The following TRPS1 variants were observed in gnomAD, a reference collection of about 807,000 sequenced individuals.
The protein encoded by TRPS1 is transcriptional repressor GATA binding 1.
TRPS1 carries 6 observed loss-of-function variants against 101.2 expected under a neutral mutation model. The observed-to-expected ratio is 0.06, with a 90% confidence interval of 0.03 to 0.12. The LOEUF is 0.12. Ranked by LOEUF, TRPS1 falls within the 10% of genes least tolerant of loss-of-function variation. The pLI is 1.00. For missense variants in TRPS1, 1,363 were observed against 1,567.0 expected, an observed-to-expected ratio of 0.87 and a Z score of 2.20; for synonymous variants, 578 against 589.8, an observed-to-expected ratio of 0.98 and a Z score of 0.29.
intron 4 of TRPS1, among the ~76,000 whole-genome samples, chr8:115,598,839 A>G (rs1435763720): frequency 1.3e-5 from 2 of 152,150 alleles, no homozygotes; most frequent in Non-Finnish European, 1.5e-5. Flanking sequence ...GCCAACCTAA[A>G]TGTCTTTTCT....
intron 5 of TRPS1, among the ~76,000 whole-genome samples, chr8:115,461,025 C>T (rs1814154482): frequency 6.6e-6 from 1 of 152,100 alleles, no homozygotes; most frequent in African/African-American, 2.4e-5. Context: ...GAGCTTCACG[C>T]AAGGTTTCAC....
intron 1 of TRPS1, chr8:115,667,763 T>C: frequency 7.1e-7 from 1 of 1,412,570 alleles, no homozygotes; most frequent in Non-Finnish European, 9.5e-7. Flanking sequence ...AAGCCTGCAT[T>C]TGCAAACTCT....
chr8:115,524,758 G>A (rs1815953674), intron 5 of TRPS1, among the ~76,000 whole-genome samples: 1 of 151,818 alleles, frequency 6.6e-6, no homozygotes, highest in African/African-American at 2.4e-5. Context: ...TTAAAATGGA[G>A]CTTCTTTGAA....
intron 1 of TRPS1, among the ~76,000 whole-genome samples, chr8:115,651,617 G>A (rs1165886430): frequency 2.6e-5 from 4 of 152,138 alleles, no homozygotes; most frequent in Non-Finnish European, 4.4e-5. Flanking sequence ...CATGATGCCC[G>A]GTAGCTTCTG....
chr8:115,473,525 A>C (rs1171960498), intron 5 of TRPS1, among the ~76,000 whole-genome samples: 1 of 152,202 alleles, frequency 6.6e-6, no homozygotes, highest in Admixed American at 6.5e-5. Flanking sequence ...ACTACACATC[A>C]GTTTCCCTGT....
At chr8:115,483,502 C>T (rs569727554) in intron 5 of TRPS1, among the ~76,000 whole-genome samples, 2 of 149,564 alleles carry the variant, frequency 1.3e-5, no homozygotes, top group South Asian at 4.3e-4. Context: ...TACTGCACTC[C>T]AGCCTGGGTG....
chr8:115,633,729 A>C (rs117722449), intron 1 of TRPS1, among the ~76,000 whole-genome samples: 33 of 152,232 alleles, frequency 2.2e-4, no homozygotes, highest in Admixed American at 3.9e-4. Flanking sequence ...TAAAATTCTG[A>C]ATATTTTTAT....
chr8:115,535,376 A>T (rs960157170), intron 5 of TRPS1, among the ~76,000 whole-genome samples: 7 of 148,534 alleles, frequency 4.7e-5, no homozygotes, highest in Non-Finnish European at 1.5e-5. Flanking sequence ...TATATAGCAT[A>T]TATATAGCAC....
intron 5 of TRPS1, among the ~76,000 whole-genome samples, chr8:115,454,018 A>G (rs986746409): frequency 6.6e-6 from 1 of 152,216 alleles, no homozygotes; most frequent in Non-Finnish European, 1.5e-5. Flanking sequence ...GCTTTCAAAA[A>G]GTAGATAAAT....
chr8:115,451,999 C>A (rs184339168), intron 5 of TRPS1, among the ~76,000 whole-genome samples: 45 of 152,240 alleles, frequency 3.0e-4, no homozygotes, highest in Admixed American at 6.5e-4. Context: ...GCGCTAAAGG[C>A]CAATATTAAA....
At chr8:115,646,936 A>G (rs368593866) in intron 1 of TRPS1, among the ~76,000 whole-genome samples, 1 of 152,154 alleles carries the variant, frequency 6.6e-6, no homozygotes, top group African/African-American at 2.4e-5. Flanking sequence ...ATTCTCCCCT[A>G]CAGAAAGCAA....
chr8:115,532,981 A>G (rs1816171387), intron 5 of TRPS1, among the ~76,000 whole-genome samples: 1 of 152,192 alleles, frequency 6.6e-6, no homozygotes, highest in African/African-American at 2.4e-5. Context: ...AGAGAAGTTC[A>G]GCAGCTATTG....
intron 5 of TRPS1, among the ~76,000 whole-genome samples, chr8:115,578,275 C>G (rs2130419930): frequency 6.6e-6 from 1 of 152,202 alleles, no homozygotes; most frequent in East Asian, 1.9e-4. Flanking sequence ...TTTTCCCACG[C>G]ATTTTTTATA....
intron 5 of TRPS1, among the ~76,000 whole-genome samples, chr8:115,557,621 C>T (rs1816852434): frequency 6.6e-6 from 1 of 152,126 alleles, no homozygotes; most frequent in South Asian, 2.1e-4. Flanking sequence ...GACATGTCTG[C>T]TTCCCTTTCC....
intron 1 of TRPS1, among the ~76,000 whole-genome samples, chr8:115,624,339 T>C (rs1209509868): frequency 6.6e-6 from 1 of 151,912 alleles, no homozygotes; most frequent in Non-Finnish European, 1.5e-5. Context: ...GTAAAGAATT[T>C]AAAGGAGAAC....
At chr8:115,484,078 G>A (rs777172194) in intron 5 of TRPS1, among the ~76,000 whole-genome samples, 3 of 151,966 alleles carry the variant, frequency 2.0e-5, no homozygotes, top group Non-Finnish European at 4.4e-5. Flanking sequence ...TCTTGTTACA[G>A]AATGGGATGA....
chr8:115,487,782 A>G (rs1206034545), intron 5 of TRPS1, among the ~76,000 whole-genome samples: 2 of 152,240 alleles, frequency 1.3e-5, no homozygotes, highest in African/African-American at 4.8e-5. Flanking sequence ...GTTGCTTCTT[A>G]TGGATGAGCA....
At chr8:115,432,932 T>C (rs904539150) in intron 5 of TRPS1, among the ~76,000 whole-genome samples, 1 of 151,858 alleles carries the variant, frequency 6.6e-6, no homozygotes, top group Admixed American at 6.6e-5. Context: ...CTGAATTTAC[T>C]AACGCATGTG....
At chr8:115,622,698 C>A (rs770206056) in intron 2 of TRPS1, among the ~76,000 whole-genome samples, 3 of 151,940 alleles carry the variant, frequency 2.0e-5, no homozygotes, top group Non-Finnish European at 4.4e-5. Flanking sequence ...ACTGAATCAC[C>A]TAAATGAAAT....
Sources: gnomAD v4.1 joint callset for allele counts (sites outside exome capture counted in the v4.1 genomes callset) on GRCh38, gnomAD v4.1.1 for gene constraint, MANE v1.5 for transcripts, NCBI Gene and HGNC (gene_info 2026-07-23, HGNC 2026-07-21) for gene names.